The following AGPAT4 variants were observed in gnomAD, a reference collection of about 807,000 sequenced individuals.
The protein encoded by AGPAT4 is 1-acylglycerol-3-phosphate O-acyltransferase 4.
Under a neutral mutation model 48.0 loss-of-function variants are expected in AGPAT4, and 15 were observed. That is an observed-to-expected ratio of 0.31 (90% CI 0.21 to 0.48). The LOEUF is 0.48. Among genes scored for constraint, AGPAT4 ranks in the 20% least tolerant of loss-of-function variants. AGPAT4 has a pLI of 0.99. For missense variants in AGPAT4, 314 were observed against 482.5 expected, an observed-to-expected ratio of 0.65 and a Z score of 3.27; for synonymous variants, 178 against 198.7, an observed-to-expected ratio of 0.90 and a Z score of 0.88.
chr6:161,147,293 A>T lies in AGPAT4; in HGVS notation c.768-694T>A, dbSNP rs1424995905. 6.6e-6 allele frequency among the ~76,000 whole-genome samples: 1 copy of T among 152,040 alleles called. No individual in the cohort carries two copies. Among genetic ancestry groups the T allele is most frequent in the South Asian group, 2.1e-4 (1 of 4,810 alleles). ...GGTGCTGGCAAGGGCTTGCCACTCG[A>T]TCATTTGCAAAGAGCCCATACTGAA... On this transcript the variant is annotated intron_variant, in intron 6 of 8. Transcript: ENST00000320285. This position sits in a 1 kb window ranked among gnomAD's most constrained non-coding sequence, Gnocchi z 4.8.
In AGPAT4 at chr6:161,180,587, C is replaced by G. The variant is rs1274972102; in HGVS notation, c.179-14170G>C. ...TTATACATTTATAATAACCTTTTAT[C>G]ATTTAGCTTTTAACTGATAATAATT... On this transcript the variant is annotated intron_variant, in intron 2 of 8. Transcript: ENST00000320285. The surrounding 1 kb of genome is among the most constrained non-coding windows in gnomAD (Gnocchi z 6.4). Among the ~76,000 whole-genome samples the G allele has an allele frequency of 1.3e-5, 2 of 152,206 alleles. No individual in the cohort carries two copies. The highest frequency in any genetic ancestry group is 2.9e-5 in the Non-Finnish European group (2 of 68,040).
Position 161,198,914 on chromosome 6 carries a change from A to T in AGPAT4, c.179-32497T>A, listed in dbSNP as rs537621885. On this transcript the variant is annotated intron_variant, in intron 2 of 8. Coordinates refer to ENST00000320285, the MANE Select transcript of AGPAT4 (RefSeq NM_020133.3). The surrounding 1 kb of genome is among the most constrained non-coding windows in gnomAD (Gnocchi z 4.3). ...TATTTTAAACTCCAGAAACTCCTCAAATATATGTCAGAATTACTGCTGATA... is the reference window on the plus strand; with the variant it reads ...TATTTTAAACTCCAGAAACTCCTCATATATATGTCAGAATTACTGCTGATA... 9.8e-5 allele frequency among the ~76,000 whole-genome samples: 15 copies of T among 152,298 alleles called. No homozygotes were observed. In the South Asian group the frequency reaches 3.1e-3, roughly 32 times the overall value.
intron 2 of AGPAT4, among the ~76,000 whole-genome samples, chr6:161,199,840 T>C (rs1171915154): frequency 6.6e-6 from 1 of 152,214 alleles, no homozygotes; most frequent in African/African-American, 2.4e-5. Context: ...TCCTGTACCG[T>C]GAGTTGATTA....
Position 161,220,877 on chromosome 6 carries a change from G to A in AGPAT4, c.178+11159C>T, listed in dbSNP as rs570360639. Among the ~76,000 whole-genome samples, 8 of 152,132 alleles carry A rather than the reference G, an allele frequency of 5.3e-5. No individual in the cohort carries two copies. The South Asian group carries it at 1.2e-3, about 24-fold the overall frequency. On this transcript the variant is annotated intron_variant, in intron 2 of 8. Transcript: ENST00000320285. This position sits in a 1 kb window ranked among gnomAD's most constrained non-coding sequence, Gnocchi z 6.0. The stretch of plus-strand genomic sequence containing the variant: ...CGGCTCACTGCAACTTCTGCCTCCC[G>A]GGTTCAAGCAATTCTCCTGCCTCAG...
rs1780269614 is a variant in AGPAT4 at position 161,171,703 on chromosome 6, CA to C, written c.179-5287del. Among the ~76,000 whole-genome samples the C allele has an allele frequency of 6.7e-6, 1 of 149,452 alleles. No homozygotes were observed. ...AGGAGATCGAGACCATCCTGGCTAACACAGTGAAACCCTGTCTCTACTAAAA... is the reference window on the plus strand; with the variant it reads ...AGGAGATCGAGACCATCCTGGCTAACCAGTGAAACCCTGTCTCTACTAAAA... On this transcript the variant is annotated intron_variant, in intron 2 of 8. Coordinates refer to ENST00000320285, the MANE Select transcript of AGPAT4 (RefSeq NM_020133.3). This position sits in a 1 kb window ranked among gnomAD's most constrained non-coding sequence, Gnocchi z 4.4.
At chr6:161,239,622 T>C (rs1782422951) in intron 1 of AGPAT4, among the ~76,000 whole-genome samples, 1 of 152,246 alleles carries the variant, frequency 6.6e-6, no homozygotes, top group Non-Finnish European at 1.5e-5. Context: ...CACTTTAGCA[T>C]TGTCATTAAA....
rs1778875527 is a variant in AGPAT4 at position 161,130,774 on chromosome 6, T to C, written c.*5766A>G. 2.0e-6 allele frequency: 1 copy of C among 500,944 alleles called. No homozygotes were observed. The highest frequency in any genetic ancestry group is 2.0e-5 in the Admixed American group (1 of 51,120). The allele number at this position is 500,944 out of a possible 1,614,324, so 31.0% of individuals were successfully genotyped here. ...CCTTGGCACAGCTGAGGCCATGCCA[T>C]TGCTACCCGGAAGCTGGCTCTGCAG... On this transcript the variant is annotated 3_prime_UTR_variant, in exon 9 of 9. Transcript: ENST00000320285.
rs964459026 is a variant in AGPAT4, at chr6:161,208,551, T to C, written c.178+23485A>G. Among the ~76,000 whole-genome samples the C allele has an allele frequency of 2.6e-5, 4 of 152,068 alleles. No individual in the cohort carries two copies. Among genetic ancestry groups the C allele is most frequent in the African/African-American group, 9.7e-5 (4 of 41,398 alleles). ...ACGCATATGATAACCACTGTCTCCTTAGGTCAAATTTGAATTCACTTAAAA... is the reference window on the plus strand; with the variant it reads ...ACGCATATGATAACCACTGTCTCCTCAGGTCAAATTTGAATTCACTTAAAA... On this transcript the variant is annotated intron_variant, in intron 2 of 8. Transcript: ENST00000320285. The surrounding 1 kb of genome is among the most constrained non-coding windows in gnomAD (Gnocchi z 4.6).
At position 161,243,264 on chromosome 6, in the gene AGPAT4, C is replaced by G. The variant is rs982975235; in HGVS notation, c.-89-10962G>C. ...GGGGCAGCTCTCCCCTTGGGGTTAC[C>G]AAAGTAGGGAAATGGCCCAAGACCC... is the stretch of plus-strand genomic sequence containing the variant. On this transcript the variant is annotated intron_variant, in intron 1 of 8. Coordinates refer to ENST00000320285, the MANE Select transcript of AGPAT4 (RefSeq NM_020133.3). This position sits in a 1 kb window ranked among gnomAD's most constrained non-coding sequence, Gnocchi z 4.8. Among the ~76,000 whole-genome samples, 12 of 152,010 alleles carry G rather than the reference C, an allele frequency of 7.9e-5. No homozygotes were observed. The highest frequency in any genetic ancestry group is 1.8e-4 in the Non-Finnish European group (12 of 68,014).
At chr6:161,265,871 C>T (rs1319992614) in intron 1 of AGPAT4, among the ~76,000 whole-genome samples, 1 of 152,182 alleles carries the variant, frequency 6.6e-6, no homozygotes, top group Admixed American at 6.5e-5. Flanking sequence ...ACTTTACGGC[C>T]ACGTGTCTAC....
intron 5 of AGPAT4, among the ~76,000 whole-genome samples, chr6:161,151,085 G>A (rs1307861657): frequency 6.6e-6 from 1 of 152,176 alleles, no homozygotes; most frequent in East Asian, 1.9e-4. Context: ...CTTGAATGGA[G>A]AGCCAGCCTG....
chr6:161,226,956 T>G lies in AGPAT4; in HGVS notation c.178+5080A>C, dbSNP rs555740983. Among the ~76,000 whole-genome samples, 173 of 152,266 alleles carry G rather than the reference T, an allele frequency of 1.1e-3. 1 individual carries two copies. Among genetic ancestry groups the G allele is most frequent in the African/African-American group, 4.0e-3 (165 of 41,556 alleles). ...GCAGGGAAGAAGAAGGAAGAAGGAA[T>G]AGAAGAAGGAAAGATTGTTTTGTTT... On this transcript the variant is annotated intron_variant, in intron 2 of 8. Coordinates refer to ENST00000320285, the MANE Select transcript of AGPAT4 (RefSeq NM_020133.3). The surrounding 1 kb of genome is among the most constrained non-coding windows in gnomAD (Gnocchi z 6.3).
intron 4 of AGPAT4, 161 bp downstream of exon 4, chr6:161,153,988 G>T: frequency 3.1e-6 from 3 of 952,654 alleles, no homozygotes; most frequent in Non-Finnish European, 4.8e-6. Context: ...CGGCCCCATG[G>T]TCACATACAT....
intron 1 of AGPAT4, among the ~76,000 whole-genome samples, chr6:161,248,090 T>C (rs1782709062): frequency 6.6e-6 from 1 of 151,432 alleles, no homozygotes; most frequent in Non-Finnish European, 1.5e-5. Context: ...TCCCTGTTTG[T>C]AGATGACAGG....
intron 1 of AGPAT4, among the ~76,000 whole-genome samples, chr6:161,271,796 A>G (rs1783431969): frequency 6.6e-6 from 1 of 152,088 alleles, no homozygotes; most frequent in Non-Finnish European, 1.5e-5. Flanking sequence ...GAATCTGGAA[A>G]CTCAAGAGAA....
At chr6:161,273,357 G>A (rs1227981787) in intron 1 of AGPAT4, among the ~76,000 whole-genome samples, 1 of 152,090 alleles carries the variant, frequency 6.6e-6, no homozygotes, top group Non-Finnish European at 1.5e-5. Flanking sequence ...ATGAAAGTGA[G>A]GAGGGGTAGC....
rs1781392000 is a variant in AGPAT4, at chr6:161,206,876, A to C, written c.178+25160T>G. On this transcript the variant is annotated intron_variant, in intron 2 of 8. Coordinates refer to ENST00000320285, the MANE Select transcript of AGPAT4 (RefSeq NM_020133.3). This position sits in a 1 kb window ranked among gnomAD's most constrained non-coding sequence, Gnocchi z 4.8. ...AAGTGGAAAAGTAATTGGTCAAAAT[A>C]AGACACTCAATGGATGAGCTCAGCA... Among the ~76,000 whole-genome samples the C allele has an allele frequency of 6.6e-6, 1 of 152,238 alleles. No individual in the cohort carries two copies. Among genetic ancestry groups the C allele is most frequent in the Non-Finnish European group, 1.5e-5 (1 of 68,034 alleles).
Position 161,231,495 on chromosome 6 carries a change from A to T in AGPAT4, c.178+541T>A, listed in dbSNP as rs184443105. Among the ~76,000 whole-genome samples, 45 of 152,308 alleles carry T rather than the reference A, an allele frequency of 3.0e-4. No homozygotes were observed. The highest frequency in any genetic ancestry group is 1.1e-3 in the African/African-American group (45 of 41,544). Reference sequence around the variant, plus strand: ...AGTGGTGCAAGATGCTACCATAGGGAGAAACTGGCCAAGGAGTGTACAGAA... The same window carrying T: ...AGTGGTGCAAGATGCTACCATAGGGTGAAACTGGCCAAGGAGTGTACAGAA... On this transcript the variant is annotated intron_variant, in intron 2 of 8. Coordinates refer to ENST00000320285, the MANE Select transcript of AGPAT4 (RefSeq NM_020133.3). This position sits in a 1 kb window ranked among gnomAD's most constrained non-coding sequence, Gnocchi z 5.3.
rs761290519 is a variant in AGPAT4 at position 161,135,484 on chromosome 6, G to C, written c.*1056C>G. Reference sequence around the variant, plus strand: ...GTAAAATGGGAGCAGACAGGAGCCCGGAAGGAAGGCAGAAGCCTGGGGGTT... The same window carrying C: ...GTAAAATGGGAGCAGACAGGAGCCCCGAAGGAAGGCAGAAGCCTGGGGGTT... On this transcript the variant is annotated 3_prime_UTR_variant, in exon 9 of 9. Coordinates refer to ENST00000320285, the MANE Select transcript of AGPAT4 (RefSeq NM_020133.3). 6.6e-6 allele frequency: 1 copy of C among 152,290 alleles called. No individual in the cohort carries two copies. The highest frequency in any genetic ancestry group is 1.5e-5 in the Non-Finnish European group (1 of 68,104). The allele number at this position is 152,290 out of a possible 1,614,324, so 9.4% of individuals were successfully genotyped here.
Sources: gnomAD v4.1 joint callset for allele counts (sites outside exome capture counted in the v4.1 genomes callset) on GRCh38, gnomAD v4.1.1 for gene constraint, Gnocchi (gnomAD v3.1) non-coding constraint, MANE v1.5 for transcripts, NCBI Gene and HGNC (gene_info 2026-07-23, HGNC 2026-07-21) for gene names.